Variants in SCNN1A observed in about 807,000 individuals in gnomAD.
SCNN1A encodes the protein sodium channel epithelial 1 subunit alpha.
A neutral mutation model predicts 68.6 loss-of-function variants in SCNN1A; 65 were observed. The ratio of observed to expected loss-of-function variants is 0.95; its 90% CI spans 0.78 to 1.16. The LOEUF (loss-of-function observed/expected upper bound fraction) is 1.16. Ranked by LOEUF, SCNN1A falls within the 50% of genes most tolerant of loss-of-function variation. SCNN1A has a pLI of 0.00. For synonymous variants in SCNN1A, 357 were observed against 353.3 expected, an observed-to-expected ratio of 1.01 and a Z score of -0.12; for missense variants, 880 against 865.9, an observed-to-expected ratio of 1.02 and a Z score of -0.20.
intron 8 of SCNN1A, 54 bp from the exon 9 acceptor site, chr12:6,349,459 C>G: frequency 1.5e-6 from 2 of 1,335,814 alleles, no homozygotes; most frequent in South Asian, 1.3e-5. Context: ...TTTCTCTACC[C>G]CACACCCAAG....
At position 6,372,671 on chromosome 12, in the gene SCNN1A, A is replaced by G. The variant is rs1186505037; in HGVS notation, c.416+1697T>C. Among the ~76,000 whole-genome samples the G allele has an allele frequency of 2.0e-5, 3 of 152,106 alleles. No homozygotes were observed. Among genetic ancestry groups the G allele is most frequent in the African/African-American group, 7.2e-5 (3 of 41,414 alleles). ...AACCACAAATATTTATTGAGTGCCC[A>G]CTGCCCCGCCTGCTGTCCTTCCCCT... On this transcript the variant is annotated intron_variant, in intron 2 of 12. Transcript: ENST00000228916. The surrounding 1 kb of genome is among the most constrained non-coding windows in gnomAD (Gnocchi z 5.8).
intron 4 of SCNN1A, among the ~76,000 whole-genome samples, chr12:6,358,668 G>A (rs1261528488): frequency 1.3e-5 from 2 of 151,998 alleles, no homozygotes; most frequent in Admixed American, 6.6e-5. Flanking sequence ...AGATCAGCCT[G>A]GGCACCATAG....
intron 2 of SCNN1A, among the ~76,000 whole-genome samples, chr12:6,369,292 A>ACGCAC (rs1565485265): frequency 1.6e-4 from 23 of 143,366 alleles, no homozygotes; most frequent in East Asian, 6.6e-4. Flanking sequence ...CTGCCACCCT[A>ACGCAC]CTCACCTCCC....
In SCNN1A at chr12:6,355,310, AG is replaced by A. The variant is rs1331372398; in HGVS notation, c.1104del (p.Leu369CysfsTer11). ...ATGGAGGTCTCCACGCCAGGCCGCA[AG>A]TTAAAGCCACCATCATCCATAAAGG... ...EPAFMDDGGFNLRPGVETSIS... is the reference protein window; with the variant it reads ...EPAFMDDGGFXLRPGVETSIS... On this transcript the variant is annotated frameshift_variant, in exon 6 of 13. Transcript: ENST00000228916. LOFTEE classifies it high-confidence loss of function. 6.2e-7 allele frequency: 1 copy of A among 1,613,600 alleles called. No individual in the cohort carries two copies. Among genetic ancestry groups the A allele is most frequent in the Non-Finnish European group, 8.5e-7 (1 of 1,179,870 alleles).
rs182212114 is a variant in SCNN1A, at chr12:6,365,919, C to T, written c.417-2209G>A. Among the ~76,000 whole-genome samples, 11 of 152,054 alleles carry T rather than the reference C, an allele frequency of 7.2e-5. No homozygotes were observed. In the South Asian group the frequency reaches 1.0e-3, roughly 14 times the overall value. Reference sequence around the variant, plus strand: ...AATTGCCCAGGCTGGAGTGCAGTGCCGTGATCTCGGCTCACAAGCTCCGCC... The same window carrying T: ...AATTGCCCAGGCTGGAGTGCAGTGCTGTGATCTCGGCTCACAAGCTCCGCC... On this transcript the variant is annotated intron_variant, in intron 2 of 12. Transcript: ENST00000228916.
intron 8 of SCNN1A, 111 bp from the exon 9 acceptor site, chr12:6,349,516 AGC>A: frequency 1.3e-6 from 1 of 773,940 alleles, no homozygotes; most frequent in Non-Finnish European, 2.3e-6. Context: ...AGCATTATTT[AGC>A]ATTATAATGA....
rs374401907 is a variant in SCNN1A, at chr12:6,364,980, G to GAT, written c.417-1272_417-1271dup. Among the ~76,000 whole-genome samples the GAT allele has an allele frequency of 6.0e-3, 886 of 147,526 alleles. 12 individuals are homozygous for GAT. The highest frequency in any genetic ancestry group is 0.019 in the African/African-American group (767 of 40,388). The stretch of plus-strand genomic sequence containing the variant: ...TAAATCAAAGATCAGAATAAGTGGA[G>GAT]ATATATATATATATGGATTCAACAC... On this transcript the variant is annotated intron_variant, in intron 2 of 12. Coordinates refer to ENST00000228916, the MANE Select transcript of SCNN1A (RefSeq NM_001038.6).
Position 6,374,477 on chromosome 12 carries a change from C to T in SCNN1A, c.307G>A (p.Gly103Ser), listed in dbSNP as rs1278545218. ...CTGAAGTACTCTCCGAAAAGCAGGC[C>T]GAATTGCCAGTACATCATGCCAAAG... ...CTFGMMYWQFGLLFGEYFSYP... is the reference protein window; with the variant it reads ...CTFGMMYWQFSLLFGEYFSYP... The change falls in exon 2 of 13, where the codon GGC becomes AGC. Residue 103 changes from glycine to serine, a missense_variant. Gly to Ser is a moderately conservative substitution (Grantham distance 56). This residue lies in a region of SCNN1A where 45 missense variants were observed against 76.7 expected (regional missense o/e 0.59). Coordinates refer to ENST00000228916, the MANE Select transcript of SCNN1A (RefSeq NM_001038.6). The surrounding 1 kb of genome is among the most constrained non-coding windows in gnomAD (Gnocchi z 6.2). 4 of 1,614,070 alleles carry T rather than the reference C, an allele frequency of 2.5e-6. No homozygotes were observed. Among genetic ancestry groups the T allele is most frequent in the African/African-American group, 1.3e-5 (1 of 74,918 alleles).
chr12:6,374,220 C>G lies in SCNN1A; in HGVS notation c.416+148G>C. The stretch of plus-strand genomic sequence containing the variant: ...CCAGTCCAGTAAGCTGGAGGCTCCT[C>G]ATTTTGCCAGCAGTGAGCTCTACCT... On this transcript the variant is annotated intron_variant, in intron 2 of 12. Transcript: ENST00000228916. This position sits in a 1 kb window ranked among gnomAD's most constrained non-coding sequence, Gnocchi z 6.2. 1 of 877,712 alleles carries G rather than the reference C, an allele frequency of 1.1e-6. No homozygotes were observed. Among genetic ancestry groups the G allele is most frequent in the Non-Finnish European group, 1.7e-6 (1 of 573,452 alleles). The allele number at this position is 877,712 out of a possible 1,614,324, so 54.4% of individuals were successfully genotyped here.
upstream of SCNN1A, chr12:6,377,257 T>C: frequency 6.4e-7 from 1 of 1,551,112 alleles, no homozygotes; most frequent in Non-Finnish European, 8.7e-7. Context: ...CTTACCTTGA[T>C]ACTGCTCATG....
rs568367984 is a variant in SCNN1A, at chr12:6,357,252, C to T, written c.876-1372G>A. On this transcript the variant is annotated intron_variant, in intron 4 of 12. Coordinates refer to ENST00000228916, the MANE Select transcript of SCNN1A (RefSeq NM_001038.6). ...AAGTTCCATCAGCGGTGGAGAAACA[C>T]GGATGGGTTTTAAAACATAGAGCTT... Among the ~76,000 whole-genome samples the T allele has an allele frequency of 2.0e-3, 298 of 152,068 alleles. 2 individuals carry two copies. The highest frequency in any genetic ancestry group is 6.8e-3 in the African/African-American group (283 of 41,474).
chr12:6,350,026 TA>T (rs950417128), intron 8 of SCNN1A: 56 of 187,562 alleles, frequency 3.0e-4, no homozygotes, highest in African/African-American at 1.2e-3. Context: ...GCACCTGGCC[TA>T]AAAAATAAAT....
At chr12:6,376,176 C>T (rs1047445941), upstream of SCNN1A, 1 of 985,734 alleles carries the variant, frequency 1.0e-6, no homozygotes, top group African/African-American at 1.7e-5. Flanking sequence ...TCCCCGCTCA[C>T]TAAGTGGGAG....
chr12:6,369,268 TAC>T (rs1362597820), intron 2 of SCNN1A, among the ~76,000 whole-genome samples: 20 of 150,612 alleles, frequency 1.3e-4, no homozygotes, highest in South Asian at 2.1e-4. Context: ...GCTGCCACCC[TAC>T]ACGCCTCCCT....
Position 6,347,960 on chromosome 12 carries a change from G to A in SCNN1A, c.1923C>T (p.Pro641=), listed in dbSNP as rs748199518. The change falls in exon 13 of 13, where the codon CCC becomes CCT. Residue 641 remains proline, a synonymous_variant. Transcript: ENST00000228916. ...PAPSPALTAP[P]PAYATLGPRP... ...GGGGGCCCAGGGTGGCATAGGCAGG[G>A]GGAGGGGCTGTCAAGGCTGGAGAGG... is the stretch of plus-strand genomic sequence containing the variant. 3.8e-6 allele frequency: 6 copies of A among 1,566,300 alleles called. No homozygotes were observed. The South Asian group carries it at 6.9e-5, about 18-fold the overall frequency.
At chr12:6,352,740 A>T (rs2136860170) in intron 8 of SCNN1A, among the ~76,000 whole-genome samples, 1 of 152,380 alleles carries the variant, frequency 6.6e-6, no homozygotes, top group East Asian at 1.9e-4. Context: ...TCAGAGAGAC[A>T]GGAACCAGGA....
Position 6,374,966 on chromosome 12 carries a change from A to C in SCNN1A, c.-54-129T>G, listed in dbSNP as rs752056354. ...CTGCCCCTGGCCATGCCCATGTCCC[A>C]CCCTGCGCCCACATTCTCCCACTCC... On this transcript the variant is annotated intron_variant, in intron 1 of 12. Transcript: ENST00000228916. The surrounding 1 kb of genome is among the most constrained non-coding windows in gnomAD (Gnocchi z 6.2). 6.4e-7 allele frequency: 1 copy of C among 1,562,472 alleles called. No homozygotes were observed. The highest frequency in any genetic ancestry group is 1.2e-5 in the South Asian group (1 of 85,962).
intron 2 of SCNN1A, chr12:6,364,200 A>T (rs1313633568): frequency 6.5e-6 from 1 of 152,756 alleles, no homozygotes; most frequent in African/African-American, 2.4e-5. Flanking sequence ...TCCAACTCTA[A>T]AAATACAGGA....
chr12:6,348,621 C>T (rs1948308109), intron 12 of SCNN1A, 106 bp downstream of exon 12: 1 of 1,044,822 alleles, frequency 9.6e-7, no homozygotes, highest in Non-Finnish European at 1.5e-6. Flanking sequence ...GCCTTTGAGA[C>T]TCAGAGCCTT....
Sources: allele counts gnomAD v4.1 joint callset (sites outside exome capture counted in the v4.1 genomes callset), GRCh38; gene constraint gnomAD v4.1.1; regional missense constraint gnomAD v4.1.1; non-coding constraint Gnocchi (gnomAD v3.1); transcripts MANE v1.5; gene names NCBI Gene and HGNC (gene_info 2026-07-23, HGNC 2026-07-21).